The following SCARA5 variants were observed in gnomAD, a reference collection of about 807,000 sequenced individuals.
The protein encoded by SCARA5 is scavenger receptor class A member 5, also known as scavenger receptor class A, member 5 (putative).
A neutral mutation model predicts 46.3 loss-of-function variants in SCARA5; 45 were observed. The ratio of observed to expected loss-of-function variants is 0.97; its 90% CI spans 0.76 to 1.24. The LOEUF (loss-of-function observed/expected upper bound fraction) is 1.24. SCARA5 is among the 50% of genes most tolerant of loss of function. The pLI, the probability that SCARA5 is intolerant of heterozygous loss-of-function variation, is 0.00. For synonymous variants in SCARA5, 333 were observed against 306.5 expected (o/e 1.09, Z -0.90); for missense variants, 680 against 689.0 (o/e 0.99, Z 0.15).
At chr8:27,907,983 CTG>C (rs1807295978) in intron 5 of SCARA5, among the ~76,000 whole-genome samples, 1 of 152,078 alleles carries the variant, frequency 6.6e-6, no homozygotes, top group Non-Finnish European at 1.5e-5. Flanking sequence ...ATTATTCTGC[CTG>C]TGTTAGACAA....
At chr8:27,981,225 C>T (rs893247417) in intron 2 of SCARA5, among the ~76,000 whole-genome samples, 1 of 152,216 alleles carries the variant, frequency 6.6e-6, no homozygotes, top group Admixed American at 6.5e-5. Context: ...ACAGAAGGCT[C>T]CCTCAGATTA....
rs747211634 is a variant in SCARA5, at chr8:27,966,459, AGAGCCCCAG to A, written c.187_195del (p.Leu63_Leu65del). On this transcript the variant is annotated inframe_deletion, in exon 3 of 9. Transcript: ENST00000354914. Reference sequence around the variant, plus strand: ...ACAAGAATCAGGAAGACCAGCAGGTAGAGCCCCAGGACAGCATGCTTCAGGGCCGACAGG... The same window carrying A: ...ACAAGAATCAGGAAGACCAGCAGGTAGACAGCATGCTTCAGGGCCGACAGG... 13 of 1,613,716 alleles carry A rather than the reference AGAGCCCCAG, an allele frequency of 8.1e-6. No homozygotes were observed. The highest frequency in any genetic ancestry group is 1.1e-5 in the Non-Finnish European group (13 of 1,179,852).
At chr8:27,916,256 C>T (rs1387288205) in intron 4 of SCARA5, among the ~76,000 whole-genome samples, 2 of 152,192 alleles carry the variant, frequency 1.3e-5, no homozygotes, top group African/African-American at 2.4e-5. Flanking sequence ...TTTGTGACTT[C>T]TCAGCCAGGA....
At chr8:27,978,024 G>GTTTTTTTT (rs11357387) in intron 2 of SCARA5, among the ~76,000 whole-genome samples, 5 of 106,632 alleles carry the variant, frequency 4.7e-5, no homozygotes, top group South Asian at 3.2e-4. Context: ...TGTGTCTTTT[G>GTTTTTTTT]TTTTTTTTTT....
intron 2 of SCARA5, among the ~76,000 whole-genome samples, chr8:27,981,599 AC>A (rs1206773136): frequency 4.6e-5 from 7 of 152,232 alleles, no homozygotes. Flanking sequence ...AACCCCCTGC[AC>A]TGGGTCTGAG....
intron 3 of SCARA5, among the ~76,000 whole-genome samples, chr8:27,936,262 G>A (rs975353674): frequency 5.3e-5 from 8 of 152,162 alleles, no homozygotes; most frequent in African/African-American, 1.9e-4. Context: ...ATGCCTCCCT[G>A]AGCTGGCCCT....
intron 2 of SCARA5, among the ~76,000 whole-genome samples, chr8:27,971,933 A>T (rs771500298): frequency 6.6e-6 from 1 of 151,738 alleles, no homozygotes; most frequent in African/African-American, 2.4e-5. Flanking sequence ...TCTTAACATC[A>T]CTCCACTTAA....
chr8:27,976,175 G>A (rs1808521372), intron 2 of SCARA5, among the ~76,000 whole-genome samples: 2 of 152,168 alleles, frequency 1.3e-5, no homozygotes, highest in Admixed American at 6.5e-5. Context: ...TGGCCAAGGT[G>A]AGCTGGGACA....
rs1053822756 is a variant in SCARA5, at chr8:27,975,484, G to T, written c.113-8942C>A. On this transcript the variant is annotated intron_variant, in intron 2 of 8. Coordinates refer to ENST00000354914, the MANE Select transcript of SCARA5 (RefSeq NM_173833.6). ...AGGAAGTGGGTGCGGGGTGGGAGCAGTCTTGTGGGACTGGGCCCTCAACCT... is the reference window on the plus strand; with the variant it reads ...AGGAAGTGGGTGCGGGGTGGGAGCATTCTTGTGGGACTGGGCCCTCAACCT... Among the ~76,000 whole-genome samples the T allele has an allele frequency of 2.0e-5, 3 of 150,040 alleles. No individual in the cohort carries two copies. The South Asian group carries it at 6.4e-4, about 32-fold the overall frequency.
At chr8:27,891,278 T>C (rs1387391791) in intron 7 of SCARA5, among the ~76,000 whole-genome samples, 2 of 151,618 alleles carry the variant, frequency 1.3e-5, no homozygotes, top group African/African-American at 4.8e-5. Context: ...CAATCTCGGC[T>C]CACTGCAACC....
At chr8:27,948,488 G>A (rs1171821001) in intron 3 of SCARA5, among the ~76,000 whole-genome samples, 1 of 152,136 alleles carries the variant, frequency 6.6e-6, no homozygotes, top group Non-Finnish European at 1.5e-5. Flanking sequence ...GCAGGGCCTG[G>A]GGCTGGGCCG....
rs750029555 is a variant in SCARA5, at chr8:27,921,720, CTG to C, written c.765_766del (p.Ser256ArgfsTer57). On this transcript the variant is annotated frameshift_variant, in exon 4 of 9. Coordinates refer to ENST00000354914, the MANE Select transcript of SCARA5 (RefSeq NM_173833.6). LOFTEE classifies it high-confidence loss of function. ...CAGGCGCAGGCGGCGCGTGTCCTCGCTGGCGTTGCTCACCAGCACCCGCAGGT... is the reference window on the plus strand; with the variant it reads ...CAGGCGCAGGCGGCGCGTGTCCTCGCGCGTTGCTCACCAGCACCCGCAGGT... The C allele has an allele frequency of 6.3e-7, 1 of 1,594,548 alleles. No homozygotes were observed. The highest frequency in any genetic ancestry group is 8.5e-7 in the Non-Finnish European group (1 of 1,172,234).
intron 3 of SCARA5, among the ~76,000 whole-genome samples, chr8:27,945,412 G>A (rs1339782556): frequency 6.6e-6 from 1 of 152,184 alleles, no homozygotes; most frequent in Non-Finnish European, 1.5e-5. Context: ...CTTCATGTGT[G>A]TCCATATTAA....
At chr8:27,939,231 C>T (rs186678795) in intron 3 of SCARA5, among the ~76,000 whole-genome samples, 4 of 152,204 alleles carry the variant, frequency 2.6e-5, no homozygotes, top group Non-Finnish European at 5.9e-5. Context: ...TCCACCACCC[C>T]AAACACCATG....
At chr8:27,892,054 T>C (rs1879676) in intron 7 of SCARA5, among the ~76,000 whole-genome samples, 115,279 of 152,188 alleles carry the variant, frequency 0.76, 44,516 homozygotes, top group South Asian at 0.85. Context: ...GACTCAGAAG[T>C]TCTGTCCCAG....
chr8:27,879,557 A>C lies in SCARA5; in HGVS notation c.1351+12T>G, dbSNP rs762129806. On this transcript the variant is annotated intron_variant, in intron 8 of 8. Transcript: ENST00000354914. ...CCCTCTCCTCATGTTTTTTGCCCTC[A>C]GAGCGCCTTACCTTGCCCGAATCGA... 1 of 1,603,232 alleles carries C rather than the reference A, an allele frequency of 6.2e-7. No individual in the cohort carries two copies. The highest frequency in any genetic ancestry group is 1.1e-5 in the South Asian group (1 of 91,072).
At position 27,871,581 on chromosome 8, in the gene SCARA5, A is replaced by G. The variant is rs1459788402; in HGVS notation, c.*353T>C. 3 of 1,125,922 alleles carry G rather than the reference A, an allele frequency of 2.7e-6. No individual in the cohort carries two copies. The highest frequency in any genetic ancestry group is 2.2e-6 in the Non-Finnish European group (2 of 915,330). 69.7% of individuals were successfully genotyped at this position (1,125,922 alleles called of 1,614,324 possible). A position where few individuals can be genotyped will look rare whatever the true frequency, so the allele number is the denominator to read the frequency against. On this transcript the variant is annotated 3_prime_UTR_variant, in exon 9 of 9. Transcript: ENST00000354914. ...CGCTGCTGCTGCACTTGTCTCTGAC[A>G]CATTCTCAGCATTCACCTGTAACTA...
chr8:27,970,889 A>T (rs201715286), intron 2 of SCARA5, among the ~76,000 whole-genome samples: 293 of 151,432 alleles, frequency 1.9e-3, no homozygotes, highest in South Asian at 4.5e-3. Flanking sequence ...GCTTTTTTTT[A>T]AAAAAAAACC....
intron 3 of SCARA5, among the ~76,000 whole-genome samples, chr8:27,935,610 G>A (rs951879482): frequency 6.6e-6 from 1 of 152,176 alleles, no homozygotes; most frequent in African/African-American, 2.4e-5. Context: ...CAAAGGAATG[G>A]GAAGGCTGAG....
Sources: gnomAD v4.1 joint callset for allele counts (sites outside exome capture counted in the v4.1 genomes callset) on GRCh38, gnomAD v4.1.1 for gene constraint, MANE v1.5 for transcripts, NCBI Gene and HGNC (gene_info 2026-07-23, HGNC 2026-07-21) for gene names.